The following IGF2BP1 variants were observed in gnomAD, a reference collection of about 807,000 sequenced individuals.
IGF2BP1 encodes insulin like growth factor 2 mRNA binding protein 1.
Under a neutral mutation model 74.9 loss-of-function variants are expected in IGF2BP1, and 11 were observed. The ratio of observed to expected loss-of-function variants is 0.15; its 90% CI spans 0.09 to 0.24. The LOEUF (loss-of-function observed/expected upper bound fraction) is 0.24, where lower values mean the gene tolerates loss of function less well. Among genes scored for constraint, IGF2BP1 ranks in the 10% least tolerant of loss-of-function variants. The probability of loss-of-function intolerance (pLI) is 1.00; values close to 1 mark genes in which losing one functional copy is unlikely to be tolerated. For missense variants in IGF2BP1, 440 were observed against 757.4 expected, an observed-to-expected ratio of 0.58 and a Z score of 4.92; for synonymous variants, 287 against 281.8, an observed-to-expected ratio of 1.02 and a Z score of -0.18.
chr17:49,037,411 C>CATGT (rs1460188103), intron 5 of IGF2BP1: 6 of 461,986 alleles, frequency 1.3e-5, no homozygotes, highest in Non-Finnish European at 2.4e-5. Flanking sequence ...GAGAAGGCTA[C>CATGT]AGAAACTTCC....
At chr17:49,038,940 C>T (rs867673518) in intron 6 of IGF2BP1, among the ~76,000 whole-genome samples, 5 of 143,290 alleles carry the variant, frequency 3.5e-5, no homozygotes, top group Admixed American at 7.3e-5. Flanking sequence ...TGCAGTGGTG[C>T]GATCTCAGCT....
At position 49,038,158 on chromosome 17, in the gene IGF2BP1, C is replaced by G; in HGVS notation, c.402-10C>G. 1.3e-6 allele frequency: 2 copies of G among 1,483,904 alleles called. No homozygotes were observed. The highest frequency in any genetic ancestry group is 1.8e-6 in the Non-Finnish European group (2 of 1,114,536). The allele number at this position is 1,483,904 out of a possible 1,614,324, so 91.9% of individuals were successfully genotyped here. On this transcript the variant is annotated splice_polypyrimidine_tract_variant and intron_variant, in intron 5 of 14. Coordinates refer to ENST00000290341, the MANE Select transcript of IGF2BP1 (RefSeq NM_006546.4). Reference sequence around the variant, plus strand: ...TTGGAATGACCTGTAGACTCTCACTCTGTCCCCAGAGCCATCATGAAGCTG... The same window carrying G: ...TTGGAATGACCTGTAGACTCTCACTGTGTCCCCAGAGCCATCATGAAGCTG...
chr17:49,045,597 G>A (rs2042100528), intron 12 of IGF2BP1, among the ~76,000 whole-genome samples: 1 of 152,172 alleles, frequency 6.6e-6, no homozygotes, highest in African/African-American at 2.4e-5. Context: ...GGTCTGGTTT[G>A]TAGCTTGTGA....
chr17:48,998,742 C>G (rs1371963062), intron 1 of IGF2BP1, among the ~76,000 whole-genome samples: 1 of 152,220 alleles, frequency 6.6e-6, no homozygotes, highest in Non-Finnish European at 1.5e-5. Flanking sequence ...GCCCCGCGCC[C>G]CACTTTCTGA....
chr17:49,013,615 A>G (rs1370740123), intron 2 of IGF2BP1: 1 of 152,300 alleles, frequency 6.6e-6, no homozygotes, highest in African/African-American at 2.4e-5. Context: ...CCACAGGACC[A>G]CCTCAGTCAC....
intron 5 of IGF2BP1, among the ~76,000 whole-genome samples, chr17:49,036,142 T>G (rs530119583): frequency 6.6e-6 from 1 of 152,186 alleles, no homozygotes; most frequent in Admixed American, 6.5e-5. Flanking sequence ...GGCAAGTATA[T>G]AGCAGGTAGT....
intron 5 of IGF2BP1, chr17:49,037,463 C>G (rs2042003403): frequency 7.0e-6 from 2 of 285,824 alleles, no homozygotes; most frequent in Non-Finnish European, 1.4e-5. Flanking sequence ...TTCAGGAACT[C>G]TAATATTCAT....
intron 2 of IGF2BP1, among the ~76,000 whole-genome samples, chr17:49,011,778 C>T (rs142749731): frequency 9.9e-5 from 15 of 151,788 alleles, no homozygotes; most frequent in African/African-American, 2.9e-4. Context: ...GGGAGTGGGG[C>T]GTAAGCTTAG....
chr17:49,005,766 C>A (rs1198630821), intron 2 of IGF2BP1, among the ~76,000 whole-genome samples: 1 of 151,670 alleles, frequency 6.6e-6, no homozygotes, highest in Non-Finnish European at 1.5e-5. Flanking sequence ...GTTAAAAACT[C>A]AATCACTCAT....
intron 4 of IGF2BP1, among the ~76,000 whole-genome samples, chr17:49,029,002 T>C: frequency 6.6e-6 from 1 of 152,152 alleles, no homozygotes; most frequent in Non-Finnish European, 1.5e-5. Context: ...AGATGGGGTT[T>C]CACCATATTG....
intron 10 of IGF2BP1, 74 bp downstream of exon 10, chr17:49,043,624 C>A: frequency 6.5e-7 from 1 of 1,549,074 alleles, no homozygotes; most frequent in Non-Finnish European, 8.8e-7. Flanking sequence ...TCAGCATGCT[C>A]TGGGAGTTGG....
rs2042206317 is a variant in IGF2BP1 at position 49,054,802 on chromosome 17, C to CT, written c.*5363dup. On this transcript the variant is annotated 3_prime_UTR_variant, in exon 15 of 15. Coordinates refer to ENST00000290341, the MANE Select transcript of IGF2BP1 (RefSeq NM_006546.4). ...TGAGATCCTACACCTCCATTGGGCCCTTTTTCAGTCTTCAATGGGGGCCCA... is the reference window on the plus strand; with the variant it reads ...TGAGATCCTACACCTCCATTGGGCCCTTTTTTCAGTCTTCAATGGGGGCCCA... 1 of 152,112 alleles carries CT rather than the reference C, an allele frequency of 6.6e-6. No homozygotes were observed. Among genetic ancestry groups the CT allele is most frequent in the Non-Finnish European group, 1.5e-5 (1 of 68,068 alleles). 9.4% of individuals were successfully genotyped at this position (152,112 alleles called of 1,614,324 possible). A position where few individuals can be genotyped will look rare whatever the true frequency, so the allele number is the denominator to read the frequency against.
chr17:49,016,423 G>A (rs1188870051), intron 2 of IGF2BP1, among the ~76,000 whole-genome samples: 2 of 152,120 alleles, frequency 1.3e-5, no homozygotes, highest in Non-Finnish European at 2.9e-5. Flanking sequence ...GCGCACGTGT[G>A]TGTGTGTGTG....
At chr17:49,019,597 CT>C (rs1290223793) in intron 2 of IGF2BP1, among the ~76,000 whole-genome samples, 1 of 152,008 alleles carries the variant, frequency 6.6e-6, no homozygotes, top group Non-Finnish European at 1.5e-5. Context: ...TCATTTTCCC[CT>C]GTGCTCTGAT....
At chr17:49,043,670 T>C in intron 10 of IGF2BP1, 120 bp downstream of exon 10, 2 of 1,199,952 alleles carry the variant, frequency 1.7e-6, no homozygotes, top group Non-Finnish European at 2.3e-6. Flanking sequence ...GGAAGGAAGG[T>C]CTCAGAGGCA....
chr17:49,010,812 G>A (rs2041608029), intron 2 of IGF2BP1, among the ~76,000 whole-genome samples: 1 of 152,002 alleles, frequency 6.6e-6, no homozygotes, highest in African/African-American at 2.4e-5. Flanking sequence ...GAGTCCAGGA[G>A]TCCACGCACT....
chr17:48,999,794 T>C (rs1424690350), intron 2 of IGF2BP1, among the ~76,000 whole-genome samples: 1 of 151,920 alleles, frequency 6.6e-6, no homozygotes, highest in African/African-American at 2.4e-5. Flanking sequence ...TTGGCTGTAC[T>C]ATCCTTTTCG....
Position 49,043,496 on chromosome 17 carries a change from A to G in IGF2BP1, c.1146A>G (p.Ala382=). ...AVGLFPASSS[A]VPPPPSSVTG... ...GTCTTTTCCCAGCTTCATCCAGCGC[A>G]GTCCCGCCGCCTCCCAGCAGCGTTA... is the stretch of plus-strand genomic sequence containing the variant. The change falls in exon 10 of 15, where the codon GCA becomes GCG. Residue 382 remains alanine (A), a synonymous_variant. Transcript: ENST00000290341. 1 of 1,614,128 alleles carries G rather than the reference A, an allele frequency of 6.2e-7. No individual in the cohort carries two copies. The highest frequency in any genetic ancestry group is 8.5e-7 in the Non-Finnish European group (1 of 1,179,990).
At chr17:49,023,756 T>TA (rs1458179348) in intron 2 of IGF2BP1, among the ~76,000 whole-genome samples, 1 of 152,200 alleles carries the variant, frequency 6.6e-6, no homozygotes, top group Non-Finnish European at 1.5e-5. Flanking sequence ...GTCCTTGGAC[T>TA]AAGAGTTTAT....
Sources: allele counts gnomAD v4.1 joint callset (sites outside exome capture counted in the v4.1 genomes callset), GRCh38; gene constraint gnomAD v4.1.1; transcripts MANE v1.5; gene names NCBI Gene and HGNC (gene_info 2026-07-23, HGNC 2026-07-21).